IL10RB: variants seen among roughly 807,000 people sequenced by gnomAD.
IL10RB encodes the protein interleukin-10 receptor subunit beta.
A neutral mutation model predicts 38.7 loss-of-function variants in IL10RB; 30 were observed. That is an observed-to-expected ratio of 0.78 (90% CI 0.58 to 1.05). The LOEUF is 1.05. Ranked by LOEUF, IL10RB falls within the 50% of genes least tolerant of loss-of-function variation. IL10RB has a pLI of 0.00. For missense variants in IL10RB, 328 were observed against 397.1 expected (o/e 0.83, Z 1.48); for synonymous variants, 142 against 145.9 (o/e 0.97, Z 0.19).
intron 5 of IL10RB, among the ~76,000 whole-genome samples, chr21:33,286,582 T>G (rs974551239): frequency 6.6e-6 from 1 of 152,060 alleles, no homozygotes; most frequent in Non-Finnish European, 1.5e-5. Flanking sequence ...CGAGTTCCAT[T>G]TACTCAGAGG....
intron 4 of IL10RB, among the ~76,000 whole-genome samples, chr21:33,281,554 G>A (rs372812328): frequency 6.6e-6 from 1 of 152,172 alleles, no homozygotes; most frequent in East Asian, 1.9e-4. Flanking sequence ...TCCTCTCACA[G>A]GTGCCTGTGA....
At chr21:33,296,106 T>C in intron 6 of IL10RB, 78 bp from the exon 7 acceptor site, 1 of 1,030,568 alleles carries the variant, frequency 9.7e-7, no homozygotes, top group East Asian at 2.4e-5. Flanking sequence ...CAGCCAGGAG[T>C]TCTGTGAAAA....
chr21:33,289,329 G>A (rs1048487321), intron 6 of IL10RB, among the ~76,000 whole-genome samples: 1 of 152,206 alleles, frequency 6.6e-6, no homozygotes, highest in East Asian at 1.9e-4. Flanking sequence ...AGTTGATCTC[G>A]TTTCCTGGGG....
exon 2 of IL10RB, chr21:33,309,155 C>T (rs1177186541): frequency 6.6e-6 from 1 of 152,130 alleles, no homozygotes; most frequent in Non-Finnish European, 1.5e-5. Context: ...TGCAGCTGTT[C>T]ATCATTAGGA....
chr21:33,282,478 T>A (rs1682395577), intron 4 of IL10RB, among the ~76,000 whole-genome samples: 1 of 152,208 alleles, frequency 6.6e-6, no homozygotes, highest in East Asian at 1.9e-4. Flanking sequence ...GAGGTTGCAG[T>A]GAGCCATGAT....
Position 33,288,391 on chromosome 21 carries a change from A to G in IL10RB, c.804+130A>G, listed in dbSNP as rs1400571617. 205 of 700,306 alleles carry G rather than the reference A, an allele frequency of 2.9e-4. No homozygotes were observed. In the African/African-American group the frequency reaches 3.3e-3, roughly 11 times the overall value. 43.4% of individuals were successfully genotyped at this position (700,306 alleles called of 1,614,324 possible). ...CACACACGCGCGCGCGCACACACAC[A>G]CACACACACACACAGACACGCCTCT... is the stretch of plus-strand genomic sequence containing the variant. On this transcript the variant is annotated intron_variant, in intron 6 of 6. Transcript: ENST00000290200.
intron 6 of IL10RB, among the ~76,000 whole-genome samples, chr21:33,291,446 AG>A (rs371055625): frequency 7.2e-5 from 11 of 152,072 alleles, no homozygotes; most frequent in African/African-American, 2.4e-4. Flanking sequence ...TTGTGTTTTT[AG>A]TAGAGACAGG....
intron 6 of IL10RB, among the ~76,000 whole-genome samples, chr21:33,293,580 G>A (rs1989531364): frequency 6.6e-6 from 1 of 152,200 alleles, no homozygotes; most frequent in Non-Finnish European, 1.5e-5. Flanking sequence ...CAGCACTTTG[G>A]GAAGCCAAGG....
chr21:33,291,029 G>A (rs915666434), intron 6 of IL10RB, among the ~76,000 whole-genome samples: 1 of 152,108 alleles, frequency 6.6e-6, no homozygotes, highest in East Asian at 1.9e-4. Context: ...GGTTGCTGGC[G>A]ATCTTTGGCG....
intron 2 of IL10RB, among the ~76,000 whole-genome samples, chr21:33,268,783 G>T (rs1989021428): frequency 6.6e-6 from 1 of 152,196 alleles, no homozygotes; most frequent in Non-Finnish European, 1.5e-5. Context: ...TCATGCGTAT[G>T]TAGATATAAT....
chr21:33,285,403 G>C (rs1989355128), intron 5 of IL10RB, among the ~76,000 whole-genome samples: 1 of 152,184 alleles, frequency 6.6e-6, no homozygotes, highest in Non-Finnish European at 1.5e-5. Context: ...ACAGGAAAGA[G>C]TAGTCTGCCT....
intron 2 of IL10RB, among the ~76,000 whole-genome samples, chr21:33,276,246 G>T (rs374876614): frequency 6.6e-6 from 1 of 152,146 alleles, no homozygotes; most frequent in South Asian, 2.1e-4. Context: ...GTCATCTACC[G>T]AAATGTCATT....
At chr21:33,272,866 G>A (rs1262211433) in intron 2 of IL10RB, among the ~76,000 whole-genome samples, 29 of 152,194 alleles carry the variant, frequency 1.9e-4, no homozygotes, top group Admixed American at 1.9e-3. Flanking sequence ...CATCCAACAG[G>A]CATGTCCAAA....
At chr21:33,269,978 G>T (rs1989046799) in intron 2 of IL10RB, among the ~76,000 whole-genome samples, 1 of 152,022 alleles carries the variant, frequency 6.6e-6, no homozygotes, top group Non-Finnish European at 1.5e-5. Context: ...AATTTTTAAT[G>T]TTGGTCACAT....
At chr21:33,277,463 A>G (rs777803692) in intron 3 of IL10RB, among the ~76,000 whole-genome samples, 6 of 152,080 alleles carry the variant, frequency 3.9e-5, no homozygotes, top group Non-Finnish European at 7.4e-5. Context: ...TATATTAGCA[A>G]TTGAGAGAGT....
downstream of IL10RB, among the ~76,000 whole-genome samples, chr21:33,298,579 A>T (rs1186988809): frequency 6.6e-6 from 1 of 152,174 alleles, no homozygotes; most frequent in Non-Finnish European, 1.5e-5. Flanking sequence ...GTGCCACTGC[A>T]CTCCAGCCTG....
intron 2 of IL10RB, among the ~76,000 whole-genome samples, chr21:33,272,756 T>G (rs1219785660): frequency 6.6e-6 from 1 of 152,232 alleles, no homozygotes; most frequent in African/African-American, 2.4e-5. Context: ...AGCTCCTCAC[T>G]TTTTGCAGGA....
At chr21:33,289,575 G>A (rs931207829) in intron 6 of IL10RB, among the ~76,000 whole-genome samples, 6 of 152,206 alleles carry the variant, frequency 3.9e-5, no homozygotes, top group Non-Finnish European at 7.3e-5. Flanking sequence ...GCAATGGCCT[G>A]TCCCTGCACT....
intron 5 of IL10RB, among the ~76,000 whole-genome samples, chr21:33,287,389 T>C (rs907801130): frequency 2.0e-5 from 3 of 151,912 alleles, no homozygotes; most frequent in Non-Finnish European, 2.9e-5. Flanking sequence ...GGGGTTTCAC[T>C]CTGTCGCCCA....
Sources: allele counts gnomAD v4.1 joint callset (sites outside exome capture counted in the v4.1 genomes callset), GRCh38; gene constraint gnomAD v4.1.1; transcripts MANE v1.5; gene names NCBI Gene and HGNC (gene_info 2026-07-23, HGNC 2026-07-21).